Variants in GPC5 observed in about 807,000 individuals in gnomAD.
GPC5 encodes glypican-5.
Under a neutral mutation model 53.9 loss-of-function variants are expected in GPC5, and 47 were observed. The observed-to-expected ratio is 0.87, with a 90% CI of 0.69 to 1.11. GPC5 has a LOEUF of 1.11. Among genes scored for constraint, GPC5 ranks in the 50% most tolerant of loss-of-function variants. The pLI is 0.00. For missense variants in GPC5, 748 were observed against 713.1 expected, an observed-to-expected ratio of 1.05 and a Z score of -0.56; for synonymous variants, 286 against 263.3, an observed-to-expected ratio of 1.09 and a Z score of -0.84.
At chr13:92,574,100 TTA>T (rs1883118391) in intron 7 of GPC5, among the ~76,000 whole-genome samples, 1 of 152,202 alleles carries the variant, frequency 6.6e-6, no homozygotes, top group Non-Finnish European at 1.5e-5. Flanking sequence ...CACCTTGTAG[TTA>T]TGTTACTCTC....
chr13:92,451,995 G>C (rs1051986233), intron 7 of GPC5, among the ~76,000 whole-genome samples: 9 of 152,116 alleles, frequency 5.9e-5, no homozygotes, highest in African/African-American at 1.9e-4. Flanking sequence ...ATAGGACTAA[G>C]GGGAAAAATA....
Position 91,411,084 on chromosome 13 carries a change from G to C in GPC5, c.163+11875G>C, listed in dbSNP as rs547586560. On this transcript the variant is annotated intron_variant, in intron 1 of 7. Coordinates refer to ENST00000377067, the MANE Select transcript of GPC5 (RefSeq NM_004466.6). Reference sequence around the variant, plus strand: ...AGATTGTGCCACTGCACTCCAGCCTGGCGTCAGAGCGAGACTCTGTCTCAA... The same window carrying C: ...AGATTGTGCCACTGCACTCCAGCCTCGCGTCAGAGCGAGACTCTGTCTCAA... Among the ~76,000 whole-genome samples, 164 of 152,268 alleles carry C rather than the reference G, an allele frequency of 1.1e-3. 1 individual carries two copies. The highest frequency in any genetic ancestry group is 3.9e-3 in the African/African-American group (160 of 41,552).
chr13:91,599,982 T>C (rs934358793), intron 2 of GPC5, among the ~76,000 whole-genome samples: 3 of 152,158 alleles, frequency 2.0e-5, no homozygotes, highest in Non-Finnish European at 4.4e-5. Context: ...AGTGCAGTGG[T>C]GCGATCTTGG....
intron 7 of GPC5, among the ~76,000 whole-genome samples, chr13:92,765,356 T>C (rs1335060041): frequency 6.6e-6 from 1 of 152,192 alleles, no homozygotes; most frequent in Non-Finnish European, 1.5e-5. Flanking sequence ...CCTTGAGGCA[T>C]CATTCTACAG....
At chr13:92,187,259 T>C (rs1700603814) in intron 7 of GPC5, among the ~76,000 whole-genome samples, 1 of 152,236 alleles carries the variant, frequency 6.6e-6, no homozygotes, top group African/African-American at 2.4e-5. Flanking sequence ...CTTAAGTTTG[T>C]TGGACTCTTG....
At chr13:91,948,941 C>T (rs1388154176) in intron 6 of GPC5, among the ~76,000 whole-genome samples, 5 of 151,992 alleles carry the variant, frequency 3.3e-5, no homozygotes, top group African/African-American at 7.2e-5. Context: ...TATGGTATGT[C>T]AGTGGTACAG....
chr13:91,521,982 G>T (rs1420594576), intron 2 of GPC5, among the ~76,000 whole-genome samples: 1 of 152,204 alleles, frequency 6.6e-6, no homozygotes. Flanking sequence ...TTTATTATAA[G>T]AATATTACAA....
At chr13:91,980,469 A>T (rs1282301850) in intron 6 of GPC5, among the ~76,000 whole-genome samples, 1 of 152,086 alleles carries the variant, frequency 6.6e-6, no homozygotes, top group African/African-American at 2.4e-5. Context: ...TACTTCCACC[A>T]CCCAGAAGCC....
At chr13:92,106,083 C>T (rs2041507284) in intron 6 of GPC5, among the ~76,000 whole-genome samples, 1 of 151,970 alleles carries the variant, frequency 6.6e-6, no homozygotes. Context: ...AATTATGGAG[C>T]TTTTCAATCC....
intron 6 of GPC5, among the ~76,000 whole-genome samples, chr13:91,957,214 A>G (rs1397388112): frequency 6.6e-6 from 1 of 152,138 alleles, no homozygotes; most frequent in African/African-American, 2.4e-5. Context: ...ACAATAAACT[A>G]TATCAAGCGG....
At chr13:92,369,620 A>G (rs146845401) in intron 7 of GPC5, among the ~76,000 whole-genome samples, 2 of 152,364 alleles carry the variant, frequency 1.3e-5, no homozygotes, top group East Asian at 3.9e-4. Flanking sequence ...AAACTGCTTT[A>G]TGAGGCTTGA....
At chr13:92,423,384 A>C (rs1036857110) in intron 7 of GPC5, among the ~76,000 whole-genome samples, 1 of 152,128 alleles carries the variant, frequency 6.6e-6, no homozygotes, top group Admixed American at 6.6e-5. Flanking sequence ...TGTTTCTCCT[A>C]ATTTATTTAA....
chr13:91,700,765 C>T (rs17333548), intron 3 of GPC5, among the ~76,000 whole-genome samples: 1,651 of 152,304 alleles, frequency 0.011, 11 homozygotes, highest in Non-Finnish European at 0.019. Flanking sequence ...CATTCTTCCT[C>T]AATCAAATTA....
At chr13:91,912,480 G>A (rs550948183) in intron 6 of GPC5, among the ~76,000 whole-genome samples, 2 of 152,206 alleles carry the variant, frequency 1.3e-5, no homozygotes, top group East Asian at 1.9e-4. Flanking sequence ...AAAAAGACAA[G>A]AGAAGGCATC....
At chr13:91,646,788 T>C (rs767103939) in intron 2 of GPC5, among the ~76,000 whole-genome samples, 40 of 152,072 alleles carry the variant, frequency 2.6e-4, no homozygotes, top group Non-Finnish European at 4.9e-4. Context: ...GATATAAATG[T>C]GATCAGAAAC....
At chr13:92,133,564 ATCTT>A (rs2041761512) in intron 6 of GPC5, among the ~76,000 whole-genome samples, 1 of 152,190 alleles carries the variant, frequency 6.6e-6, no homozygotes, top group Non-Finnish European at 1.5e-5. Context: ...AGTTTTTAAA[ATCTT>A]TCTTAAAAGG....
intron 7 of GPC5, among the ~76,000 whole-genome samples, chr13:92,534,392 G>C (rs1881658754): frequency 6.6e-6 from 1 of 152,148 alleles, no homozygotes; most frequent in South Asian, 2.1e-4. Flanking sequence ...CACCAAGTAA[G>C]AACAGCGACA....
At position 92,556,875 on chromosome 13, in the gene GPC5, CTATGTATT is replaced by C. The variant is rs554261607; in HGVS notation, c.1562-309406_1562-309399del. 1.4e-4 allele frequency among the ~76,000 whole-genome samples: 21 copies of C among 151,794 alleles called. No individual in the cohort carries two copies. The East Asian group carries it at 3.9e-3, about 28-fold the overall frequency. On this transcript the variant is annotated intron_variant, in intron 7 of 7. Transcript: ENST00000377067. ...GCTCTTTTGAATGTGCTGAGATAGTCTATGTATTATAGTCTGGTATGTAAGTGTTCTTT... is the reference window on the plus strand; with the variant it reads ...GCTCTTTTGAATGTGCTGAGATAGTCATAGTCTGGTATGTAAGTGTTCTTT...
At chr13:92,503,054 T>C (rs1411679378) in intron 7 of GPC5, among the ~76,000 whole-genome samples, 1 of 152,006 alleles carries the variant, frequency 6.6e-6, no homozygotes, top group Non-Finnish European at 1.5e-5. Context: ...ATTTGAAAAT[T>C]TAACACATTT....
Sources: gnomAD v4.1 joint callset for allele counts (sites outside exome capture counted in the v4.1 genomes callset) on GRCh38, gnomAD v4.1.1 for gene constraint, MANE v1.5 for transcripts, NCBI Gene and HGNC (gene_info 2026-07-23, HGNC 2026-07-21) for gene names.